Variants in IL3RA observed in about 807,000 individuals in gnomAD.
IL3RA encodes the protein interleukin 3 receptor subunit alpha.
IL3RA carries 73 observed loss-of-function variants against 52.3 expected under a neutral mutation model. That is an observed-to-expected ratio of 1.40 (90% confidence interval 1.16 to 1.70). The LOEUF (loss-of-function observed/expected upper bound fraction) is 1.70. Among genes scored for constraint, IL3RA ranks in the 40% most tolerant of loss-of-function variants. The pLI is 0.00. For missense variants in IL3RA, 664 were observed against 504.4 expected (o/e 1.32, Z -3.03); for synonymous variants, 260 against 194.0 (o/e 1.34, Z -2.83).
chrX:1,358,764 T>C, intron 7 of IL3RA, 97 bp from the exon 8 acceptor site: 1 of 1,362,232 alleles, frequency 7.3e-7, no homozygotes, highest in Non-Finnish European at 1.0e-6. Flanking sequence ...CCTCACTGTT[T>C]TGCTGGTTTT....
At chrX:1,362,462 TTCTA>T (rs1425846290) in intron 8 of IL3RA, among the ~76,000 whole-genome samples, 6 of 149,330 alleles carry the variant, frequency 4.0e-5, no homozygotes, top group Non-Finnish European at 5.9e-5. Flanking sequence ...CTCTCTCTGT[TTCTA>T]TCTGTCTCTC....
chrX:1,360,404 C>T (rs368397572), intron 8 of IL3RA, among the ~76,000 whole-genome samples: 1 of 151,376 alleles, frequency 6.6e-6, no homozygotes, highest in Non-Finnish European at 1.5e-5. Context: ...AAATCTGTGT[C>T]TCTGTCTCTC....
intron 2 of IL3RA, among the ~76,000 whole-genome samples, chrX:1,345,079 G>C (rs1235650438): frequency 1.3e-5 from 2 of 151,190 alleles, no homozygotes; most frequent in Non-Finnish European, 1.5e-5. Flanking sequence ...TGAGGCAGGA[G>C]AGTTGCTTGA....
intron 9 of IL3RA, among the ~76,000 whole-genome samples, chrX:1,367,402 G>A (rs2088179733): frequency 1.8e-5 from 1 of 56,028 alleles, no homozygotes; most frequent in Non-Finnish European, 3.2e-5. Flanking sequence ...AGCGGGGTGC[G>A]CGGGGTGAGC....
chrX:1,378,784 C>T lies in IL3RA; in HGVS notation c.980+20C>T, dbSNP rs751559508. ...CAGAAGGTGAGCCCTCGAGGGCGTC[C>T]GCGAGCGTCGCTTGTTTCCAGTGTG... On this transcript the variant is annotated intron_variant, in intron 10 of 11. Transcript: ENST00000331035. 1.0e-5 allele frequency: 16 copies of T among 1,594,240 alleles called. No homozygotes were observed. Among genetic ancestry groups the T allele is most frequent in the Admixed American group, 6.7e-5 (4 of 59,888 alleles).
rs756530624 is a variant in IL3RA, at chrX:1,352,322, C to G, written c.432C>G (p.Asn144Lys). The change falls in exon 6 of 12, where the codon AAC (asparagine) becomes AAG (lysine). Residue 144 changes from asparagine (N) to lysine (K), a missense_variant and splice_region_variant. By Grantham distance (94) the Asn-to-Lys change is moderately conservative. Coordinates refer to ENST00000331035, the MANE Select transcript of IL3RA (RefSeq NM_002183.4). Reference sequence around the variant, plus strand: ...CCCCCAACCTTACCGCTTACCGCAGCAGGCGTCAACAGTACGAGTGTCTTC... The same window carrying G: ...CCCCCAACCTTACCGCTTACCGCAGGAGGCGTCAACAGTACGAGTGTCTTC... ...VQYDLYLNVA[N>K]RRQQYECLHY... is the part of the protein sequence containing the mutation. 1.2e-6 allele frequency: 2 copies of G among 1,613,686 alleles called. No individual in the cohort carries two copies. The highest frequency in any genetic ancestry group is 1.7e-6 in the Non-Finnish European group (2 of 1,179,826).
intron 3 of IL3RA, among the ~76,000 whole-genome samples, chrX:1,346,182 T>G (rs1158385521): frequency 6.6e-6 from 1 of 151,844 alleles, no homozygotes; most frequent in East Asian, 1.9e-4. Flanking sequence ...GCACAGTGGC[T>G]CACACCAGCA....
At chrX:1,349,999 G>C (rs763628175) in intron 4 of IL3RA, among the ~76,000 whole-genome samples, 2 of 151,870 alleles carry the variant, frequency 1.3e-5, no homozygotes. Context: ...GAGTTATGCC[G>C]AGTCGGAAAA....
intron 2 of IL3RA, among the ~76,000 whole-genome samples, chrX:1,344,205 A>G (rs7064341): frequency 0.038 from 5,848 of 151,976 alleles, 372 homozygotes; most frequent in African/African-American, 0.13. Flanking sequence ...AGGCTGAGGC[A>G]GGCAGATCAT....
rs17883278 is a variant in IL3RA, at chrX:1,341,583, C to T, written c.-38-145C>T. ...GCAAAGGCGCATTTGCACACAGACA[C>T]ATATGCACACTCACCACCGCTTTCC... On this transcript the variant is annotated intron_variant, in intron 1 of 11. Transcript: ENST00000331035. The T allele has an allele frequency of 3.5e-3, 2,293 of 647,600 alleles. 47 individuals are homozygous for T. The African/African-American group carries it at 0.038, about 11-fold the overall frequency. The allele number at this position is 647,600 out of a possible 1,614,324, so 40.1% of individuals were successfully genotyped here.
At chrX:1,348,123 G>A (rs2148926139) in intron 3 of IL3RA, among the ~76,000 whole-genome samples, 1 of 151,206 alleles carries the variant, frequency 6.6e-6, no homozygotes, top group South Asian at 2.1e-4. Flanking sequence ...GAGGCAGGCG[G>A]ATCACATGAG....
At chrX:1,377,536 C>G (rs1239775637) in intron 9 of IL3RA, among the ~76,000 whole-genome samples, 1 of 152,036 alleles carries the variant, frequency 6.6e-6, no homozygotes, top group Non-Finnish European at 1.5e-5. Flanking sequence ...AGCCACCGCG[C>G]CCGGCCAAAT....
chrX:1,378,616 AG>A, intron 9 of IL3RA, 42 bp from the exon 10 acceptor site: 1 of 1,544,384 alleles, frequency 6.5e-7, no homozygotes, highest in South Asian at 1.1e-5. Flanking sequence ...TGGTCCCCCC[AG>A]GACGGCCCCC....
chrX:1,346,075 G>A (rs1236565593), intron 3 of IL3RA, among the ~76,000 whole-genome samples: 1 of 151,908 alleles, frequency 6.6e-6, no homozygotes, highest in Non-Finnish European at 1.5e-5. Flanking sequence ...AGCACTTTGG[G>A]AGGCTGAGGC....
chrX:1,363,393 C>T (rs28762462), intron 8 of IL3RA, among the ~76,000 whole-genome samples: 51,957 of 150,066 alleles, frequency 0.35, 9,345 homozygotes, highest in South Asian at 0.5. Flanking sequence ...CTCCGCCTCC[C>T]GGGTTCCCGC....
intron 4 of IL3RA, among the ~76,000 whole-genome samples, chrX:1,349,361 T>A (rs1331340676): frequency 6.6e-6 from 1 of 151,442 alleles, no homozygotes; most frequent in African/African-American, 2.4e-5. Context: ...CTTGTATTTT[T>A]AGTAGAGATG....
intron 8 of IL3RA, among the ~76,000 whole-genome samples, chrX:1,361,777 A>G (rs1270322745): frequency 1.5e-5 from 2 of 133,410 alleles, no homozygotes; most frequent in African/African-American, 2.8e-5. Flanking sequence ...AAAAAAAAAA[A>G]TGAGAGCCGA....
chrX:1,373,820 G>T (rs2088613663), intron 9 of IL3RA, among the ~76,000 whole-genome samples: 1 of 69,952 alleles, frequency 1.4e-5, no homozygotes, highest in Non-Finnish European at 2.4e-5. Context: ...GACACACACG[G>T]AGGAACAACC....
rs1329382440 is a variant in IL3RA, at chrX:1,365,158, C to T, written c.780C>T (p.Phe260=). 3 of 1,610,268 alleles carry T rather than the reference C, an allele frequency of 1.9e-6. No individual in the cohort carries two copies. Among genetic ancestry groups the T allele is most frequent in the Middle Eastern group, 1.6e-4 (1 of 6,068 alleles). The stretch of plus-strand genomic sequence containing the variant: ...CACAGGTCAGAGACAGAACCTCCTT[C>T]CAGCTACTCAATCCTGGAACGTACA... The part of the protein sequence containing the change: ...ITEQVRDRTS[F]QLLNPGTYTV... Residue 260 remains phenylalanine, a synonymous_variant, in exon 9 of 12, where the codon TTC becomes TTT. Coordinates refer to ENST00000331035, the MANE Select transcript of IL3RA (RefSeq NM_002183.4).
Sources: allele counts gnomAD v4.1 joint callset (sites outside exome capture counted in the v4.1 genomes callset), GRCh38; gene constraint gnomAD v4.1.1; transcripts MANE v1.5; gene names NCBI Gene and HGNC (gene_info 2026-07-23, HGNC 2026-07-21).